Variants in OLFM2 observed in about 807,000 individuals in gnomAD.
OLFM2 encodes the protein olfactomedin 2.
Under a neutral mutation model 43.9 loss-of-function variants are expected in OLFM2, and 20 were observed. The ratio of observed to expected loss-of-function variants is 0.46; its 90% CI spans 0.32 to 0.66. The LOEUF (loss-of-function observed/expected upper bound fraction) is 0.66, where lower values mean the gene tolerates loss of function less well. Ranked by LOEUF, OLFM2 falls within the 30% of genes least tolerant of loss-of-function variation. The pLI is 0.04. For missense variants in OLFM2, 416 were observed against 643.6 expected (o/e 0.65, Z 3.83); for synonymous variants, 268 against 278.6 (o/e 0.96, Z 0.38).
intron 1 of OLFM2, among the ~76,000 whole-genome samples, chr19:9,935,586 A>ATAGC (rs1282198400): frequency 1.1e-4 from 16 of 152,246 alleles, no homozygotes; most frequent in African/African-American, 3.9e-4. Context: ...AAGGTACAGA[A>ATAGC]TAGCACACGC....
At chr19:9,860,876 G>A in intron 1 of OLFM2, 82 bp from the exon 2 acceptor site, 1 of 1,421,088 alleles carries the variant, frequency 7.0e-7, no homozygotes, top group Non-Finnish European at 9.5e-7. Context: ...GGGGCCCAAG[G>A]AAACCACAGA....
chr19:9,915,574 G>C (rs1320053171), intron 1 of OLFM2, among the ~76,000 whole-genome samples: 1 of 151,884 alleles, frequency 6.6e-6, no homozygotes, highest in East Asian at 1.9e-4. Flanking sequence ...CTGGAGTGCA[G>C]TGGCGTGATC....
At chr19:9,888,291 G>C (rs2046605658) in intron 1 of OLFM2, among the ~76,000 whole-genome samples, 1 of 152,016 alleles carries the variant, frequency 6.6e-6, no homozygotes, top group African/African-American at 2.4e-5. Context: ...GGGAGGCTGA[G>C]GTGGGTGGAT....
At chr19:9,866,728 A>T (rs954183519) in intron 1 of OLFM2, among the ~76,000 whole-genome samples, 1 of 151,900 alleles carries the variant, frequency 6.6e-6, no homozygotes, top group Admixed American at 6.6e-5. Flanking sequence ...CTCCTGGGCT[A>T]AAGTGATCCA....
At chr19:9,932,317 A>G (rs1422700918) in intron 1 of OLFM2, among the ~76,000 whole-genome samples, 1 of 151,678 alleles carries the variant, frequency 6.6e-6, no homozygotes, top group Admixed American at 6.6e-5. Flanking sequence ...GCTGGGCATC[A>G]GGTGGCACGT....
chr19:9,889,854 G>A (rs1043136033), intron 1 of OLFM2, among the ~76,000 whole-genome samples: 15 of 152,130 alleles, frequency 9.9e-5, no homozygotes, highest in African/African-American at 3.6e-4. Flanking sequence ...AATGTTGTGG[G>A]TGAGGGAAGA....
At chr19:9,870,072 T>A (rs140781613) in intron 1 of OLFM2, among the ~76,000 whole-genome samples, 5 of 151,846 alleles carry the variant, frequency 3.3e-5, no homozygotes, top group East Asian at 1.9e-4. Context: ...AAAAAAAAAT[T>A]TTTTTTTTGT....
intron 1 of OLFM2, among the ~76,000 whole-genome samples, chr19:9,906,992 G>T (rs1458630914): frequency 6.6e-6 from 1 of 152,120 alleles, no homozygotes; most frequent in South Asian, 2.1e-4. Flanking sequence ...CTAGAGGGAC[G>T]CCCTCCTGAG....
chr19:9,870,100 A>G (rs536403073), intron 1 of OLFM2, among the ~76,000 whole-genome samples: 1 of 151,862 alleles, frequency 6.6e-6, no homozygotes, highest in African/African-American at 2.4e-5. Context: ...GAGTCTCACT[A>G]TGTTGCCCAG....
intron 1 of OLFM2, among the ~76,000 whole-genome samples, chr19:9,923,428 C>A (rs112347972): frequency 5.3e-4 from 80 of 151,482 alleles, no homozygotes; most frequent in Middle Eastern, 3.4e-3. Flanking sequence ...GGTGGGTGCA[C>A]ACCTGTAATC....
intron 1 of OLFM2, among the ~76,000 whole-genome samples, chr19:9,872,548 G>C (rs59361763): frequency 6.2e-4 from 94 of 151,674 alleles, no homozygotes; most frequent in African/African-American, 2.2e-3. Flanking sequence ...GTTCACCCGC[G>C]CCATGCTGGA....
Position 9,857,518 on chromosome 19 carries a change from C to A in OLFM2, c.361-36G>T. On this transcript the variant is annotated intron_variant, in intron 3 of 5. Coordinates refer to ENST00000264833, the MANE Select transcript of OLFM2 (RefSeq NM_058164.4). This position sits in a 1 kb window ranked among gnomAD's most constrained non-coding sequence, Gnocchi z 5.7. The stretch of plus-strand genomic sequence containing the variant: ...AGATGGAACCATGGCCAAGCCTGAC[C>A]CCTGGCCTTTGACCCAGACATGACT... The A allele has an allele frequency of 6.2e-7, 1 of 1,604,660 alleles. No homozygotes were observed.
intron 1 of OLFM2, among the ~76,000 whole-genome samples, chr19:9,918,171 G>A (rs963830929): frequency 1.3e-5 from 2 of 151,562 alleles, no homozygotes; most frequent in East Asian, 1.9e-4. Context: ...GAGCCACCAT[G>A]CCTGGCCACT....
intron 1 of OLFM2, among the ~76,000 whole-genome samples, chr19:9,898,726 T>C (rs1283651618): frequency 6.6e-6 from 1 of 152,116 alleles, no homozygotes; most frequent in Non-Finnish European, 1.5e-5. Context: ...CCACGCCATT[T>C]CTGTGTTCCT....
intron 1 of OLFM2, among the ~76,000 whole-genome samples, chr19:9,893,309 C>T (rs972310208): frequency 7.9e-5 from 12 of 152,114 alleles, no homozygotes; most frequent in East Asian, 3.9e-4. Flanking sequence ...GGATTACAGG[C>T]GCCTACCACC....
At chr19:9,932,859 A>G (rs985461894) in intron 1 of OLFM2, among the ~76,000 whole-genome samples, 1 of 152,186 alleles carries the variant, frequency 6.6e-6, no homozygotes, top group African/African-American at 2.4e-5. Context: ...CTCCCAGGCC[A>G]GAACCCAGAA....
intron 1 of OLFM2, among the ~76,000 whole-genome samples, chr19:9,916,280 C>G (rs1455006757): frequency 6.6e-6 from 1 of 152,032 alleles, no homozygotes; most frequent in East Asian, 1.9e-4. Flanking sequence ...TTGCTTGAAC[C>G]CAGGAGGCAG....
At chr19:9,931,715 A>T (rs1299067731) in intron 1 of OLFM2, among the ~76,000 whole-genome samples, 2 of 135,656 alleles carry the variant, frequency 1.5e-5, no homozygotes, top group African/African-American at 3.1e-5. Context: ...TCTCAAAAAT[A>T]AAAAAAAAAA....
chr19:9,929,574 C>T (rs892034888), intron 1 of OLFM2, among the ~76,000 whole-genome samples: 4 of 150,446 alleles, frequency 2.7e-5, no homozygotes, highest in South Asian at 2.1e-4. Flanking sequence ...CCAGCCTGGG[C>T]GACAGAGTGA....
Sources: allele counts gnomAD v4.1 joint callset (sites outside exome capture counted in the v4.1 genomes callset), GRCh38; gene constraint gnomAD v4.1.1; non-coding constraint Gnocchi (gnomAD v3.1); transcripts MANE v1.5; gene names NCBI Gene and HGNC (gene_info 2026-07-23, HGNC 2026-07-21).